Variants in OPCML observed in about 807,000 individuals in gnomAD.
OPCML encodes opioid binding protein/cell adhesion molecule like, also known as opioid-binding protein/cell adhesion molecule.
A neutral mutation model predicts 37.8 loss-of-function variants in OPCML; 13 were observed. The ratio of observed to expected loss-of-function variants is 0.34; its 90% CI spans 0.22 to 0.55. OPCML has a LOEUF of 0.55. Ranked by LOEUF, OPCML falls within the 20% of genes least tolerant of loss-of-function variation. The pLI is 0.91. For missense variants in OPCML, 341 were observed against 435.6 expected, an observed-to-expected ratio of 0.78 and a Z score of 1.93; for synonymous variants, 176 against 168.8, an observed-to-expected ratio of 1.04 and a Z score of -0.33.
intron 4 of OPCML, among the ~76,000 whole-genome samples, chr11:132,524,309 T>A (rs371329434): frequency 6.6e-6 from 1 of 152,180 alleles, no homozygotes; most frequent in Non-Finnish European, 1.5e-5. Flanking sequence ...TTGCTTGTTT[T>A]GGGACCTGAC....
intron 2 of OPCML, among the ~76,000 whole-genome samples, chr11:132,871,738 A>G (rs915420280): frequency 3.9e-5 from 6 of 152,192 alleles, no homozygotes; most frequent in Non-Finnish European, 8.8e-5. Flanking sequence ...CATGTTTTGG[A>G]CAAAGGCACT....
At chr11:133,498,622 G>C (rs1466187779) in intron 1 of OPCML, among the ~76,000 whole-genome samples, 1 of 152,210 alleles carries the variant, frequency 6.6e-6, no homozygotes, top group Non-Finnish European at 1.5e-5. Flanking sequence ...CAAAGAACAA[G>C]TGCGGTCTCA....
intron 2 of OPCML, among the ~76,000 whole-genome samples, chr11:132,831,812 A>C (rs776705944): frequency 1.2e-4 from 19 of 152,032 alleles, no homozygotes; most frequent in Non-Finnish European, 2.6e-4. Flanking sequence ...ACCTTGTGGC[A>C]ATAGAGATCT....
intron 1 of OPCML, among the ~76,000 whole-genome samples, chr11:133,098,029 C>A (rs1949029661): frequency 6.6e-6 from 1 of 152,086 alleles, no homozygotes; most frequent in South Asian, 2.1e-4. Flanking sequence ...ATGAGGCCAG[C>A]ATTACCCTAA....
At chr11:133,458,693 A>ATATACACATAGATGCACGTGTGTGTG (rs1946775886) in intron 1 of OPCML, among the ~76,000 whole-genome samples, 1 of 131,144 alleles carries the variant, frequency 7.6e-6, no homozygotes, top group African/African-American at 3.6e-5. Flanking sequence ...GTGTGTGTGT[A>ATATACACATAGATGCACGTGTGTGTG]TATATACACA....
chr11:133,486,481 G>T (rs78467103), intron 1 of OPCML, among the ~76,000 whole-genome samples: 1 of 151,746 alleles, frequency 6.6e-6, no homozygotes, highest in Non-Finnish European at 1.5e-5. Context: ...CTCTTCCTCA[G>T]AATTACACTA....
intron 3 of OPCML, among the ~76,000 whole-genome samples, chr11:132,631,431 AAT>A: frequency 6.8e-6 from 1 of 148,148 alleles, no homozygotes; most frequent in African/African-American, 2.5e-5. Context: ...GGTTTTAGGA[AAT>A]ATATATATAC....
chr11:133,125,823 T>TACACATGTATATATAG (rs1565459859), intron 1 of OPCML, among the ~76,000 whole-genome samples: 1 of 146,196 alleles, frequency 6.8e-6, no homozygotes, highest in African/African-American at 2.5e-5. Flanking sequence ...ATATAGTATA[T>TACACATGTATATATAG]ACACATGTAT....
chr11:132,795,002 G>T (rs559518803), intron 2 of OPCML, among the ~76,000 whole-genome samples: 1 of 151,434 alleles, frequency 6.6e-6, no homozygotes, highest in Admixed American at 6.6e-5. Context: ...TAATAAAAAC[G>T]TGAGTGAAAC....
chr11:132,710,865 G>A (rs2135948028), intron 2 of OPCML, among the ~76,000 whole-genome samples: 1 of 151,766 alleles, frequency 6.6e-6, no homozygotes, highest in East Asian at 1.9e-4. Context: ...AAAAAAGAAA[G>A]AAAGAAAGAA....
chr11:133,422,537 A>T (rs1485556648), intron 1 of OPCML: 1 of 970,882 alleles, frequency 1.0e-6, no homozygotes, highest in Non-Finnish European at 1.2e-6. Flanking sequence ...GTCCTGCTCT[A>T]CCGCCCAGGC....
chr11:132,885,645 T>C, intron 2 of OPCML, among the ~76,000 whole-genome samples: 1 of 152,222 alleles, frequency 6.6e-6, no homozygotes. Flanking sequence ...TTACTGTCTT[T>C]GTGCTACAGT....
At chr11:132,725,813 C>T (rs1378026082) in intron 2 of OPCML, among the ~76,000 whole-genome samples, 1 of 151,798 alleles carries the variant, frequency 6.6e-6, no homozygotes, top group Non-Finnish European at 1.5e-5. Context: ...AATTTCTCTG[C>T]CAGATACCAT....
At chr11:132,804,465 A>G (rs1488121820) in intron 2 of OPCML, among the ~76,000 whole-genome samples, 2 of 152,190 alleles carry the variant, frequency 1.3e-5, no homozygotes, top group African/African-American at 4.8e-5. Context: ...CAAGACAAGC[A>G]GTTTACCAGG....
chr11:132,928,062 CA>C (rs1318781259), intron 2 of OPCML, among the ~76,000 whole-genome samples: 5 of 151,522 alleles, frequency 3.3e-5, no homozygotes, highest in Admixed American at 6.6e-5. Context: ...AAATGAGGGA[CA>C]AAAAAACTAT....
intron 1 of OPCML, among the ~76,000 whole-genome samples, chr11:133,213,672 G>T (rs1939467577): frequency 6.6e-6 from 1 of 152,124 alleles, no homozygotes; most frequent in African/African-American, 2.4e-5. Context: ...TTACAACATT[G>T]CAGTTGCTGA....
chr11:132,560,546 C>T (rs2096408324), intron 3 of OPCML, among the ~76,000 whole-genome samples: 1 of 152,178 alleles, frequency 6.6e-6, no homozygotes, highest in Admixed American at 6.5e-5. Context: ...TCCATTGTAT[C>T]ATTCATACAT....
At chr11:133,108,290 T>G (rs1309130871) in intron 1 of OPCML, among the ~76,000 whole-genome samples, 1 of 152,072 alleles carries the variant, frequency 6.6e-6, no homozygotes, top group Non-Finnish European at 1.5e-5. Flanking sequence ...CTTAGAAGGG[T>G]GTTGTTGTTC....
At chr11:132,720,934 C>T (rs1419208699) in intron 2 of OPCML, among the ~76,000 whole-genome samples, 2 of 151,974 alleles carry the variant, frequency 1.3e-5, no homozygotes, top group African/African-American at 4.8e-5. Flanking sequence ...AAAATTACAA[C>T]TTATAATTCT....
Sources: gnomAD v4.1 joint callset for allele counts (sites outside exome capture counted in the v4.1 genomes callset) on GRCh38, gnomAD v4.1.1 for gene constraint, MANE v1.5 for transcripts, NCBI Gene and HGNC (gene_info 2026-07-23, HGNC 2026-07-21) for gene names.